HS6ST3: variants seen among roughly 807,000 people sequenced by gnomAD.
HS6ST3 encodes the protein heparan-sulfate 6-O-sulfotransferase 3.
HS6ST3 carries 12 observed loss-of-function variants against 36.7 expected under a neutral mutation model. That is an observed-to-expected ratio of 0.33 (90% CI 0.21 to 0.53). HS6ST3 has a LOEUF of 0.53. Ranked by LOEUF, HS6ST3 falls within the 20% of genes least tolerant of loss-of-function variation. The probability of loss-of-function intolerance (pLI) is 0.95; values close to 1 mark genes in which losing one functional copy is unlikely to be tolerated. For missense variants in HS6ST3, 584 were observed against 640.9 expected (o/e 0.91, Z 0.96); for synonymous variants, 240 against 257.5 (o/e 0.93, Z 0.65).
intron 1 of HS6ST3, among the ~76,000 whole-genome samples, chr13:96,268,101 T>C (rs1298576148): frequency 6.6e-6 from 1 of 151,984 alleles, no homozygotes; most frequent in Non-Finnish European, 1.5e-5. Context: ...TCATGATTTC[T>C]AATTGTAATC....
chr13:96,727,899 TATTTCCACTGCC>T (rs1876046630), intron 1 of HS6ST3, among the ~76,000 whole-genome samples: 1 of 152,224 alleles, frequency 6.6e-6, no homozygotes, highest in Non-Finnish European at 1.5e-5. Context: ...TTTCAAATTT[TATTTCCACTGCC>T]ATTTCCCCAG....
At chr13:96,214,064 A>C (rs2054412307) in intron 1 of HS6ST3, among the ~76,000 whole-genome samples, 1 of 152,202 alleles carries the variant, frequency 6.6e-6, no homozygotes, top group South Asian at 2.1e-4. Context: ...GGAAGGAGTT[A>C]CTAACTTGAA....
chr13:96,151,811 C>T (rs879449983), intron 1 of HS6ST3, among the ~76,000 whole-genome samples: 2 of 152,166 alleles, frequency 1.3e-5, no homozygotes, highest in Non-Finnish European at 2.9e-5. Flanking sequence ...AGTAAGCCTC[C>T]ACCATCCATG....
intron 1 of HS6ST3, among the ~76,000 whole-genome samples, chr13:96,636,457 T>G (rs1329307757): frequency 6.6e-6 from 1 of 152,156 alleles, no homozygotes; most frequent in Non-Finnish European, 1.5e-5. Flanking sequence ...AAGTGTGCAG[T>G]TTGGCCATGG....
At chr13:96,409,413 T>A (rs1294662021) in intron 1 of HS6ST3, among the ~76,000 whole-genome samples, 2 of 152,238 alleles carry the variant, frequency 1.3e-5, no homozygotes, top group African/African-American at 4.8e-5. Context: ...TTCATTTATC[T>A]TCTTATTCCC....
intron 1 of HS6ST3, among the ~76,000 whole-genome samples, chr13:96,672,164 T>C (rs2056684754): frequency 1.3e-5 from 2 of 152,292 alleles, no homozygotes; most frequent in African/African-American, 2.4e-5. Flanking sequence ...TTTTGCTCTC[T>C]TGTGTCTTCT....
chr13:96,574,475 C>T (rs572232383), intron 1 of HS6ST3: 10 of 438,324 alleles, frequency 2.3e-5, no homozygotes, highest in Non-Finnish European at 3.8e-5. Context: ...CCATACTCTT[C>T]ATGCCCCGCC....
At chr13:96,698,617 A>G (rs1264040092) in intron 1 of HS6ST3, among the ~76,000 whole-genome samples, 2 of 152,222 alleles carry the variant, frequency 1.3e-5, no homozygotes, top group Non-Finnish European at 2.9e-5. Flanking sequence ...GGATACAAAC[A>G]AATGGAAGAA....
intron 1 of HS6ST3, among the ~76,000 whole-genome samples, chr13:96,680,262 A>G (rs996817514): frequency 2.0e-5 from 3 of 152,192 alleles, no homozygotes; most frequent in East Asian, 3.9e-4. Context: ...TCACACCACC[A>G]TGCCATCACC....
intron 1 of HS6ST3, among the ~76,000 whole-genome samples, chr13:96,383,149 A>T (rs1354813667): frequency 1.3e-5 from 2 of 151,582 alleles, no homozygotes; most frequent in African/African-American, 2.4e-5. Context: ...GGTGAGATGG[A>T]TGAGGTAAAA....
At chr13:96,266,726 T>C (rs2054694198) in intron 1 of HS6ST3, among the ~76,000 whole-genome samples, 1 of 152,186 alleles carries the variant, frequency 6.6e-6, no homozygotes, top group Non-Finnish European at 1.5e-5. Context: ...ATAGCTAATA[T>C]ATTTGACTTT....
intron 1 of HS6ST3, among the ~76,000 whole-genome samples, chr13:96,704,654 A>C (rs1384741497): frequency 6.6e-6 from 1 of 151,996 alleles, no homozygotes; most frequent in Non-Finnish European, 1.5e-5. Flanking sequence ...AGTTGATCTC[A>C]TGGGGCTTAG....
intron 1 of HS6ST3, among the ~76,000 whole-genome samples, chr13:96,616,022 C>CA (rs2056473215): frequency 6.6e-6 from 1 of 152,204 alleles, no homozygotes; most frequent in African/African-American, 2.4e-5. Flanking sequence ...ACACAGTTGA[C>CA]ACTGGCCAGG....
chr13:96,668,732 A>T (rs1417144109), intron 1 of HS6ST3, among the ~76,000 whole-genome samples: 2 of 53,544 alleles, frequency 3.7e-5, no homozygotes, highest in East Asian at 1.2e-3. Context: ...TTTTTGTATC[A>T]GGTACATTTG....
At chr13:96,176,564 A>G (rs150917257) in intron 1 of HS6ST3, among the ~76,000 whole-genome samples, 155 of 152,280 alleles carry the variant, frequency 1.0e-3, no homozygotes, top group African/African-American at 3.4e-3. Flanking sequence ...ATTGAACCCA[A>G]ATCAGGTCAT....
chr13:96,339,346 A>C (rs1216782428), intron 1 of HS6ST3, among the ~76,000 whole-genome samples: 2 of 152,122 alleles, frequency 1.3e-5, no homozygotes, highest in East Asian at 1.9e-4. Flanking sequence ...AGACACAGGG[A>C]GGTGGATTTT....
At chr13:96,131,104 C>T (rs183533049) in intron 1 of HS6ST3, among the ~76,000 whole-genome samples, 3 of 152,324 alleles carry the variant, frequency 2.0e-5, no homozygotes, top group East Asian at 3.9e-4. Flanking sequence ...TTCCTCAGCT[C>T]ACTGCCCTCA....
intron 1 of HS6ST3, among the ~76,000 whole-genome samples, chr13:96,558,090 C>T (rs2056248102): frequency 6.6e-6 from 1 of 152,114 alleles, no homozygotes; most frequent in Non-Finnish European, 1.5e-5. Flanking sequence ...TTTTGATTCT[C>T]TTTAGCCTTT....
At chr13:96,492,852 AAG>A (rs2138906845) in intron 1 of HS6ST3, among the ~76,000 whole-genome samples, 1 of 152,268 alleles carries the variant, frequency 6.6e-6, no homozygotes, top group African/African-American at 2.4e-5. Flanking sequence ...GTTATAAGAG[AAG>A]AGAGACTGAA....
Sources: gnomAD v4.1 joint callset for allele counts (sites outside exome capture counted in the v4.1 genomes callset) on GRCh38, gnomAD v4.1.1 for gene constraint, MANE v1.5 for transcripts, NCBI Gene and HGNC (gene_info 2026-07-23, HGNC 2026-07-21) for gene names.